TMEM108: variants seen among roughly 807,000 people sequenced by gnomAD.
TMEM108 encodes transmembrane protein 108.
A neutral mutation model predicts 35.1 loss-of-function variants in TMEM108; 12 were observed. The observed-to-expected ratio is 0.34, with a 90% CI of 0.22 to 0.55. TMEM108 has a LOEUF of 0.55. Ranked by LOEUF, TMEM108 falls within the 20% of genes least tolerant of loss-of-function variation. TMEM108 has a pLI of 0.89. For synonymous variants in TMEM108, 287 were observed against 308.6 expected, an observed-to-expected ratio of 0.93 and a Z score of 0.73; for missense variants, 680 against 753.3, an observed-to-expected ratio of 0.90 and a Z score of 1.14.
At chr3:133,213,997 C>T (rs770619645) in intron 2 of TMEM108, among the ~76,000 whole-genome samples, 13 of 152,024 alleles carry the variant, frequency 8.6e-5, no homozygotes, top group Non-Finnish European at 1.9e-4. Context: ...GGCCCAAAAG[C>T]CTTTGGGTCA....
intron 4 of TMEM108, chr3:133,388,674 C>T (rs62280876): frequency 2.0e-6 from 2 of 985,316 alleles, no homozygotes; most frequent in Non-Finnish European, 2.4e-6. Context: ...AAAGTAGAAA[C>T]TTACCCTATC....
intron 3 of TMEM108, among the ~76,000 whole-genome samples, chr3:133,328,838 TCTATGCCACAGGTTC>T (rs2071361167): frequency 6.6e-6 from 1 of 152,172 alleles, no homozygotes; most frequent in South Asian, 2.1e-4. Flanking sequence ...TTCTGAACCT[TCTATGCCACAGGTTC>T]CCCCAAATAA....
In TMEM108 at chr3:133,316,269, A is replaced by G. The variant is rs535678493; in HGVS notation, c.41-63483A>G. Among the ~76,000 whole-genome samples, 8 of 152,348 alleles carry G rather than the reference A, an allele frequency of 5.3e-5. 1 individual carries two copies. In the South Asian group the frequency reaches 1.7e-3, roughly 32 times the overall value. On this transcript the variant is annotated intron_variant, in intron 3 of 5. Coordinates refer to ENST00000321871, the MANE Select transcript of TMEM108 (RefSeq NM_023943.4). ...GTGATTCCCTTTAAGTGGTGAGACT[A>G]TGGGCACTCAGTTTGTTTCCCTTCT...
At chr3:133,374,139 A>T (rs2072761701) in intron 3 of TMEM108, among the ~76,000 whole-genome samples, 1 of 152,176 alleles carries the variant, frequency 6.6e-6, no homozygotes, top group Non-Finnish European at 1.5e-5. Context: ...CTCAGAAGGG[A>T]TGTAGGGTGT....
intron 3 of TMEM108, among the ~76,000 whole-genome samples, chr3:133,347,194 A>G (rs76620941): frequency 0.013 from 1,945 of 152,192 alleles, 43 homozygotes; most frequent in African/African-American, 0.043. Flanking sequence ...ATTTTTATTG[A>G]GATTTTGTTG....
At chr3:133,390,063 C>T in intron 4 of TMEM108, 117 bp from the exon 5 acceptor site, 1 of 1,251,032 alleles carries the variant, frequency 8.0e-7, no homozygotes, top group African/African-American at 1.5e-5. Context: ...CATGCCCTGC[C>T]CCTTTTCCCA....
chr3:133,241,712 T>A (rs1946316287), intron 3 of TMEM108, among the ~76,000 whole-genome samples: 1 of 149,248 alleles, frequency 6.7e-6, no homozygotes, highest in Non-Finnish European at 1.5e-5. Flanking sequence ...GTCTCCCAGG[T>A]TCAAGTGATT....
intron 3 of TMEM108, among the ~76,000 whole-genome samples, chr3:133,351,978 A>G (rs1368326184): frequency 2.0e-5 from 3 of 152,202 alleles, no homozygotes; most frequent in Non-Finnish European, 4.4e-5. Context: ...GTTGAGAACT[A>G]CTTATCATAT....
chr3:133,310,094 A>G (rs1485507104), intron 3 of TMEM108, among the ~76,000 whole-genome samples: 1 of 152,010 alleles, frequency 6.6e-6, no homozygotes, highest in Non-Finnish European at 1.5e-5. Context: ...TTTGCTGAGG[A>G]GTTCTTTTAT....
intron 2 of TMEM108, among the ~76,000 whole-genome samples, chr3:133,064,527 T>C (rs1943572476): frequency 6.6e-6 from 1 of 152,172 alleles, no homozygotes; most frequent in South Asian, 2.1e-4. Context: ...CTTTCTGGAA[T>C]CCTGCTTCCT....
At chr3:133,391,788 C>A (rs1449080011) in intron 5 of TMEM108, among the ~76,000 whole-genome samples, 1 of 152,224 alleles carries the variant, frequency 6.6e-6, no homozygotes, top group Non-Finnish European at 1.5e-5. Context: ...GTCACTTCCT[C>A]AGCGAGGCCT....
intron 2 of TMEM108, among the ~76,000 whole-genome samples, chr3:133,102,949 C>A (rs1319796354): frequency 6.6e-6 from 1 of 152,050 alleles, no homozygotes; most frequent in African/African-American, 2.4e-5. Context: ...CAGATGCTGG[C>A]AAGGTTGTGG....
chr3:133,070,657 G>C (rs1165103015), intron 2 of TMEM108, among the ~76,000 whole-genome samples: 2 of 152,052 alleles, frequency 1.3e-5, no homozygotes, highest in African/African-American at 4.8e-5. Context: ...ACAAAGCAAT[G>C]TCCCTGTCCT....
At chr3:133,186,398 A>G (rs1436116748) in intron 2 of TMEM108, among the ~76,000 whole-genome samples, 1 of 152,238 alleles carries the variant, frequency 6.6e-6, no homozygotes, top group Non-Finnish European at 1.5e-5. Flanking sequence ...TGCAACTTAC[A>G]TAATTTATTC....
intron 2 of TMEM108, among the ~76,000 whole-genome samples, chr3:133,225,239 G>T (rs908313025): frequency 6.6e-6 from 1 of 151,874 alleles, no homozygotes; most frequent in Non-Finnish European, 1.5e-5. Context: ...GTAGAGAGAG[G>T]GTTTCATCGT....
intron 3 of TMEM108, among the ~76,000 whole-genome samples, chr3:133,314,247 A>G (rs912266302): frequency 1.3e-5 from 2 of 152,196 alleles, no homozygotes; most frequent in African/African-American, 2.4e-5. Flanking sequence ...ATAGCTTGGG[A>G]AAATAAAAAG....
At chr3:133,306,086 A>C (rs986276446) in intron 3 of TMEM108, among the ~76,000 whole-genome samples, 2 of 152,120 alleles carry the variant, frequency 1.3e-5, no homozygotes, top group Non-Finnish European at 2.9e-5. Flanking sequence ...TACTTTTCGA[A>C]GCACAAAACT....
intron 3 of TMEM108, among the ~76,000 whole-genome samples, chr3:133,259,912 C>A (rs531279731): frequency 1.3e-5 from 2 of 152,282 alleles, no homozygotes; most frequent in East Asian, 3.9e-4. Flanking sequence ...ACAGAAGGCT[C>A]TTCAGAGTCC....
chr3:133,160,427 A>G (rs1466981198), intron 2 of TMEM108, among the ~76,000 whole-genome samples: 1 of 152,192 alleles, frequency 6.6e-6, no homozygotes, highest in Non-Finnish European at 1.5e-5. Flanking sequence ...GGAACCAGAC[A>G]AGGCCTAAGT....
Sources: allele counts gnomAD v4.1 joint callset (sites outside exome capture counted in the v4.1 genomes callset), GRCh38; gene constraint gnomAD v4.1.1; transcripts MANE v1.5; gene names NCBI Gene and HGNC (gene_info 2026-07-23, HGNC 2026-07-21).